The following AGBL4 variants were observed in gnomAD, a reference collection of about 807,000 sequenced individuals.
AGBL4 encodes the protein cytosolic carboxypeptidase 6.
AGBL4 carries 58 observed loss-of-function variants against 66.4 expected under a neutral mutation model. The observed-to-expected ratio is 0.87, with a 90% CI of 0.71 to 1.09. AGBL4 has a LOEUF of 1.09. AGBL4 is among the 50% of genes least tolerant of loss of function. The pLI is 0.00. For missense variants in AGBL4, 579 were observed against 631.0 expected, an observed-to-expected ratio of 0.92 and a Z score of 0.88; for synonymous variants, 234 against 222.9, an observed-to-expected ratio of 1.05 and a Z score of -0.44.
chr1:48,810,503 T>C (rs942094676), intron 6 of AGBL4, among the ~76,000 whole-genome samples: 23 of 152,190 alleles, frequency 1.5e-4, no homozygotes, highest in African/African-American at 5.6e-4. Flanking sequence ...CTACCATTGA[T>C]TAGATTTGTA....
chr1:49,349,737 A>G (rs995183225), intron 3 of AGBL4, among the ~76,000 whole-genome samples: 3 of 152,188 alleles, frequency 2.0e-5, no homozygotes, highest in Non-Finnish European at 4.4e-5. Context: ...ATAAAGTCCT[A>G]ATCCCCAGTA....
Position 49,806,486 on chromosome 1 carries a change from A to G in AGBL4, c.157+44910T>C, listed in dbSNP as rs141023137. On this transcript the variant is annotated intron_variant, in intron 2 of 13. Coordinates refer to ENST00000371839, the MANE Select transcript of AGBL4 (RefSeq NM_032785.4). Reference sequence around the variant, plus strand: ...TGCAACTTGGCTTCTAATGTAAAAAATAGAAAAATAATTTAAAGATGGAAT... The same window carrying G: ...TGCAACTTGGCTTCTAATGTAAAAAGTAGAAAAATAATTTAAAGATGGAAT... Among the ~76,000 whole-genome samples, 70 of 152,364 alleles carry G rather than the reference A, an allele frequency of 4.6e-4. 1 individual carries two copies. In the East Asian group the frequency reaches 0.013, roughly 27 times the overall value.
chr1:48,633,307 C>T (rs922721280), intron 9 of AGBL4, among the ~76,000 whole-genome samples: 5 of 152,160 alleles, frequency 3.3e-5, no homozygotes, highest in Non-Finnish European at 7.4e-5. Flanking sequence ...ATACCTATGT[C>T]GCTCTTTAAT....
chr1:49,725,207 A>T (rs1311655760), intron 2 of AGBL4, among the ~76,000 whole-genome samples: 1 of 152,196 alleles, frequency 6.6e-6, no homozygotes, highest in Non-Finnish European at 1.5e-5. Context: ...AGATGCATCT[A>T]TGTTAATATA....
At chr1:48,892,734 G>A (rs1374838867) in intron 5 of AGBL4, among the ~76,000 whole-genome samples, 1 of 152,132 alleles carries the variant, frequency 6.6e-6, no homozygotes, top group Non-Finnish European at 1.5e-5. Flanking sequence ...GAATAGAATG[G>A]GAGGCAGGTT....
At chr1:49,980,604 CCTTT>C (rs1315252144) in intron 1 of AGBL4, among the ~76,000 whole-genome samples, 12 of 152,130 alleles carry the variant, frequency 7.9e-5, no homozygotes, top group African/African-American at 2.9e-4. Flanking sequence ...GGATTTCCTT[CCTTT>C]CTAAGACTGA....
intron 3 of AGBL4, among the ~76,000 whole-genome samples, chr1:49,323,696 G>T (rs1177844659): frequency 4.0e-5 from 6 of 151,198 alleles, no homozygotes; most frequent in Admixed American, 4.0e-4. Context: ...GTGAATCCAG[G>T]AGGCAGAGCT....
intron 6 of AGBL4, among the ~76,000 whole-genome samples, chr1:48,833,974 C>A (rs1646617840): frequency 6.6e-6 from 1 of 152,122 alleles, no homozygotes. Flanking sequence ...GATCAGAATG[C>A]CCCTGCCCAG....
chr1:49,057,297 A>T (rs896571883), intron 4 of AGBL4, among the ~76,000 whole-genome samples: 1 of 152,188 alleles, frequency 6.6e-6, no homozygotes, highest in African/African-American at 2.4e-5. Flanking sequence ...ACGAACCTAT[A>T]GTCCCAGCTA....
At chr1:49,798,544 T>C (rs2147942987) in intron 2 of AGBL4, among the ~76,000 whole-genome samples, 1 of 152,342 alleles carries the variant, frequency 6.6e-6, no homozygotes, top group Admixed American at 6.5e-5. Context: ...TATGATTTTA[T>C]TGTCTAGTTT....
At chr1:49,596,884 G>A (rs937100570) in intron 3 of AGBL4, among the ~76,000 whole-genome samples, 11 of 152,164 alleles carry the variant, frequency 7.2e-5, no homozygotes, top group African/African-American at 2.7e-4. Flanking sequence ...AGAGCATAAA[G>A]TGCTCTCACA....
chr1:49,912,202 T>A (rs1300918170), intron 1 of AGBL4, among the ~76,000 whole-genome samples: 1 of 152,146 alleles, frequency 6.6e-6, no homozygotes, highest in Non-Finnish European at 1.5e-5. Context: ...AACTATCCCA[T>A]CTGTGCAGGG....
intron 5 of AGBL4, among the ~76,000 whole-genome samples, chr1:48,870,049 A>G (rs1312486605): frequency 1.3e-5 from 2 of 151,982 alleles, no homozygotes; most frequent in African/African-American, 4.8e-5. Context: ...CCCTCTTGAA[A>G]TCTTCCTGAA....
chr1:49,764,317 C>T (rs1652574054), intron 2 of AGBL4, among the ~76,000 whole-genome samples: 1 of 152,122 alleles, frequency 6.6e-6, no homozygotes, highest in South Asian at 2.1e-4. Context: ...CTAGCCCTCC[C>T]GAATGAAAGG....
intron 6 of AGBL4, among the ~76,000 whole-genome samples, chr1:48,820,628 G>C (rs1349611127): frequency 6.6e-6 from 1 of 152,090 alleles, no homozygotes; most frequent in Non-Finnish European, 1.5e-5. Context: ...CTTTTTCCCT[G>C]CCTTCAAACT....
intron 5 of AGBL4, among the ~76,000 whole-genome samples, chr1:49,037,235 T>G (rs867828245): frequency 1.1e-4 from 17 of 152,044 alleles, no homozygotes; most frequent in African/African-American, 4.1e-4. Context: ...TAAGGTTTTC[T>G]TATGTCATTC....
rs114157338 is a variant in AGBL4, at chr1:48,893,369, T to A, written c.595-26139A>T. Among the ~76,000 whole-genome samples the A allele has an allele frequency of 4.0e-3, 613 of 152,048 alleles. 3 individuals are homozygous for A. Among genetic ancestry groups the A allele is most frequent in the African/African-American group, 0.014 (575 of 41,492 alleles). Reference sequence around the variant, plus strand: ...GTCATGAGGGTGGAGCCCTTATGAATGAGATTAGTGCCCTTATAAAAAAGA... The same window carrying A: ...GTCATGAGGGTGGAGCCCTTATGAAAGAGATTAGTGCCCTTATAAAAAAGA... On this transcript the variant is annotated intron_variant, in intron 5 of 13. Transcript: ENST00000371839.
At chr1:49,697,162 T>G in intron 3 of AGBL4, 151 bp downstream of exon 3, 1 of 789,120 alleles carries the variant, frequency 1.3e-6, no homozygotes. Context: ...TGTATCTATT[T>G]CTCTGCATCT....
intron 6 of AGBL4, among the ~76,000 whole-genome samples, chr1:48,755,183 G>C (rs1350512453): frequency 7.9e-5 from 12 of 152,128 alleles, no homozygotes. Context: ...ACCTTTCCAA[G>C]GTGCGCCATT....
Sources: allele counts gnomAD v4.1 joint callset (sites outside exome capture counted in the v4.1 genomes callset), GRCh38; gene constraint gnomAD v4.1.1; transcripts MANE v1.5; gene names NCBI Gene and HGNC (gene_info 2026-07-23, HGNC 2026-07-21).